Variants in UBQLN4 observed in about 807,000 individuals in gnomAD.
UBQLN4 encodes the protein ubiquilin 4, also known as ubiquilin-4.
UBQLN4 carries 11 observed loss-of-function variants against 60.4 expected under a neutral mutation model. The observed-to-expected ratio is 0.18, with a 90% confidence interval of 0.11 to 0.30. The LOEUF (loss-of-function observed/expected upper bound fraction) is 0.30, where lower values mean the gene tolerates loss of function less well. UBQLN4 is among the 10% of genes least tolerant of loss of function. The probability of loss-of-function intolerance (pLI) is 1.00; values close to 1 mark genes in which losing one functional copy is unlikely to be tolerated. For missense variants in UBQLN4, 417 were observed against 795.5 expected, an observed-to-expected ratio of 0.52 and a Z score of 5.72; for synonymous variants, 258 against 313.1, an observed-to-expected ratio of 0.82 and a Z score of 1.86.
intron 4 of UBQLN4, among the ~76,000 whole-genome samples, chr1:156,049,434 C>A (rs535707107): frequency 6.6e-6 from 1 of 152,308 alleles, no homozygotes; most frequent in East Asian, 1.9e-4. Context: ...GCTATGTCAA[C>A]CCCGGGGGAG....
chr1:156,033,139 G>T, downstream of UBQLN4: 1 of 874,360 alleles, frequency 1.1e-6, no homozygotes, highest in Non-Finnish European at 1.4e-6. Flanking sequence ...TGTAGCTGCT[G>T]CCACAGGAAG....
downstream of UBQLN4, among the ~76,000 whole-genome samples, chr1:156,031,782 C>T (rs990145179): frequency 6.6e-6 from 1 of 151,548 alleles, no homozygotes; most frequent in Admixed American, 6.6e-5. Context: ...GACGGGGTTT[C>T]GCAGTGTTAG....
At chr1:156,049,972 C>T (rs948364810) in intron 4 of UBQLN4, among the ~76,000 whole-genome samples, 4 of 152,316 alleles carry the variant, frequency 2.6e-5, no homozygotes, top group Middle Eastern at 6.8e-3. Context: ...TGGGTCTCAG[C>T]TCGGTGACAT....
At chr1:156,039,315 A>G (rs1302166339) in intron 10 of UBQLN4, among the ~76,000 whole-genome samples, 2 of 141,312 alleles carry the variant, frequency 1.4e-5, no homozygotes, top group Non-Finnish European at 3.0e-5. Flanking sequence ...AAATGGCACG[A>G]TCTCAGCTCA....
In UBQLN4 at chr1:156,048,714, G is replaced by A. The variant is rs1683783192; in HGVS notation, c.742-55C>T. The A allele has an allele frequency of 2.5e-6, 4 of 1,580,526 alleles. No homozygotes were observed. The highest frequency in any genetic ancestry group is 1.3e-5 in the African/African-American group (1 of 74,416). On this transcript the variant is annotated intron_variant, in intron 4 of 10. Transcript: ENST00000368309. The surrounding 1 kb of genome is among the most constrained non-coding windows in gnomAD (Gnocchi z 4.9). ...CCGGAACCAGGGGAGCACCAACCTA[G>A]GAAAAGGGTGGGCCTTGAGGAAGGG...
At chr1:156,033,188 A>T (rs1314260962), downstream of UBQLN4, 2 of 984,948 alleles carry the variant, frequency 2.0e-6, no homozygotes, top group African/African-American at 3.5e-5. Context: ...CCGACTCTGG[A>T]GCAAGGAGGA....
In UBQLN4 at chr1:156,051,214, C is replaced by T; in HGVS notation, c.374G>A (p.Gly125Asp). 1 of 1,610,142 alleles carries T rather than the reference C, an allele frequency of 6.2e-7. No homozygotes were observed. The highest frequency in any genetic ancestry group is 8.5e-7 in the Non-Finnish European group (1 of 1,178,120). The change falls in exon 3 of 11, where the codon GGC (glycine) becomes GAC (aspartate). Residue 125 changes from glycine to aspartate, a missense_variant. Coordinates refer to ENST00000368309, the MANE Select transcript of UBQLN4 (RefSeq NM_020131.5). ...ACTGCCAGCATCTGAAGAGGCACTG[C>T]CAGAGGTGGAGGGCTGGGCAGGGGT... is the stretch of plus-strand genomic sequence containing the variant. ...PATPAQPSTS[G>D]SASSDAGSGS...
chr1:156,042,631 C>T (rs777739449), intron 7 of UBQLN4, 143 bp downstream of exon 7: 3 of 1,301,326 alleles, frequency 2.3e-6, no homozygotes, highest in African/African-American at 3.0e-5. Context: ...AAATAACTTG[C>T]TTAACTCACA....
rs1683770227 is a variant in UBQLN4 at position 156,048,341 on chromosome 1, C to T, written c.900+160G>A. On this transcript the variant is annotated intron_variant, in intron 5 of 10. Coordinates refer to ENST00000368309, the MANE Select transcript of UBQLN4 (RefSeq NM_020131.5). This position sits in a 1 kb window ranked among gnomAD's most constrained non-coding sequence, Gnocchi z 4.9. ...TTATATTTGTCCATGCCAAAATGGA[C>T]CATCCCCGGATATGTACTGTTGAGA... Among the ~76,000 whole-genome samples, 2 of 152,214 alleles carry T rather than the reference C, an allele frequency of 1.3e-5. No individual in the cohort carries two copies. Among genetic ancestry groups the T allele is most frequent in the South Asian group, 4.1e-4 (2 of 4,828 alleles).
intron 9 of UBQLN4, 90 bp from the exon 10 acceptor site, chr1:156,041,761 C>A: frequency 6.9e-7 from 1 of 1,449,162 alleles, no homozygotes. Flanking sequence ...TTGGAAGAAA[C>A]AGGAAAACAG....
chr1:156,046,991 C>T (rs954210631), intron 5 of UBQLN4, among the ~76,000 whole-genome samples: 2 of 151,932 alleles, frequency 1.3e-5, no homozygotes, highest in African/African-American at 4.8e-5. Context: ...TACTAGTTAC[C>T]TCTGGAAAGA....
chr1:156,050,365 G>A lies in UBQLN4; in HGVS notation c.667C>T (p.Pro223Ser). 6.2e-7 allele frequency: 1 copy of A among 1,613,282 alleles called. No homozygotes were observed. The highest frequency in any genetic ancestry group is 1.1e-5 in the South Asian group (1 of 91,036). Residue 223 changes from proline to serine, a missense_variant, in exon 4 of 11, where the codon CCC becomes TCC. Physicochemically the swap from Pro to Ser is moderately conservative, Grantham distance 74 (BLOSUM62 -1). Coordinates refer to ENST00000368309, the MANE Select transcript of UBQLN4 (RefSeq NM_020131.5). This position sits in a 1 kb window ranked among gnomAD's most constrained non-coding sequence, Gnocchi z 4.6. ...CGCTCCATCAACTGCTGCATCTGGG[G>A]GTTGGCCATAATCATGTGACGCATC... ...DLMRHMIMAN[P>S]QMQQLMERNP... is the part of the protein sequence containing the mutation.
At chr1:156,053,481 G>T in intron 1 of UBQLN4, 113 bp downstream of exon 1, 1 of 707,322 alleles carries the variant, frequency 1.4e-6, no homozygotes, top group Non-Finnish European at 1.9e-6. Context: ...AGTCCCAGCC[G>T]GCCCCCGCCC....
chr1:156,048,869 G>A lies in UBQLN4; in HGVS notation c.742-210C>T, dbSNP rs1359111875. Among the ~76,000 whole-genome samples, 1 of 152,172 alleles carries A rather than the reference G, an allele frequency of 6.6e-6. No individual in the cohort carries two copies. On this transcript the variant is annotated intron_variant, in intron 4 of 10. Coordinates refer to ENST00000368309, the MANE Select transcript of UBQLN4 (RefSeq NM_020131.5). The surrounding 1 kb of genome is among the most constrained non-coding windows in gnomAD (Gnocchi z 4.9). ...CGCCTCCCTGTGGGTATTTTGGTTGGCTTTTTCTAGTGGAGGACAATGATC... is the reference window on the plus strand; with the variant it reads ...CGCCTCCCTGTGGGTATTTTGGTTGACTTTTTCTAGTGGAGGACAATGATC...
intron 7 of UBQLN4, 36 bp from the exon 8 acceptor site, chr1:156,042,272 CT>C: frequency 1.9e-6 from 3 of 1,542,892 alleles, no homozygotes; most frequent in African/African-American, 1.4e-5. Flanking sequence ...AGACCTGGGC[CT>C]TTTCACCCTA....
chr1:156,047,334 C>T (rs1413858211), intron 5 of UBQLN4, among the ~76,000 whole-genome samples: 2 of 151,138 alleles, frequency 1.3e-5, no homozygotes, highest in Non-Finnish European at 2.9e-5. Context: ...ACCTCTGCCT[C>T]CCGGGTTCAA....
rs186312271 is a variant in UBQLN4, at chr1:156,046,209, C to T, written c.901-1986G>A. ...TTTTAAAAGTTTGTCAGTTTTAGGC[C>T]GGGCACGGTGGCTCACGCCTATAAT... On this transcript the variant is annotated intron_variant, in intron 5 of 10. Transcript: ENST00000368309. Among the ~76,000 whole-genome samples, 9 of 151,474 alleles carry T rather than the reference C, an allele frequency of 5.9e-5. No individual in the cohort carries two copies. In the East Asian group the frequency reaches 1.8e-3, roughly 29 times the overall value.
Position 156,050,037 on chromosome 1 carries a change from C to G in UBQLN4, c.741+254G>C, listed in dbSNP as rs1683827440. Among the ~76,000 whole-genome samples, 1 of 152,194 alleles carries G rather than the reference C, an allele frequency of 6.6e-6. No homozygotes were observed. Among genetic ancestry groups the G allele is most frequent in the African/African-American group, 2.4e-5 (1 of 41,450 alleles). ...AGGGTCAGGAGCTCTTCTCTATGCT[C>G]CTAGAGGATCCCATGATTATCCTTC... On this transcript the variant is annotated intron_variant, in intron 4 of 10. Transcript: ENST00000368309. This position sits in a 1 kb window ranked among gnomAD's most constrained non-coding sequence, Gnocchi z 4.6.
In UBQLN4 at chr1:156,048,746, G is replaced by A; in HGVS notation, c.742-87C>T. The A allele has an allele frequency of 2.0e-6, 3 of 1,464,988 alleles. No homozygotes were observed. Among genetic ancestry groups the A allele is most frequent in the Non-Finnish European group, 1.9e-6 (2 of 1,074,674 alleles). 90.7% of individuals were successfully genotyped at this position (1,464,988 alleles called of 1,614,324 possible). ...GGTGGGCCTTGAGGAAGGGGGGTCT[G>A]TATCAGGATCAGGACCAGGGCCCAG... is the stretch of plus-strand genomic sequence containing the variant. On this transcript the variant is annotated intron_variant, in intron 4 of 10. Transcript: ENST00000368309. The surrounding 1 kb of genome is among the most constrained non-coding windows in gnomAD (Gnocchi z 4.9).
Sources: allele counts gnomAD v4.1 joint callset (sites outside exome capture counted in the v4.1 genomes callset), GRCh38; gene constraint gnomAD v4.1.1; non-coding constraint Gnocchi (gnomAD v3.1); transcripts MANE v1.5; gene names NCBI Gene and HGNC (gene_info 2026-07-23, HGNC 2026-07-21).